The following MRTFB variants were observed in gnomAD, a reference collection of about 807,000 sequenced individuals.
MRTFB encodes myocardin related transcription factor B, also known as myocardin-related transcription factor B.
Under a neutral mutation model 104.2 loss-of-function variants are expected in MRTFB, and 29 were observed. That is an observed-to-expected ratio of 0.28 (90% CI 0.21 to 0.38). MRTFB has a LOEUF of 0.38. Among genes scored for constraint, MRTFB ranks in the 10% least tolerant of loss-of-function variants. The pLI is 1.00. For missense variants in MRTFB, 1,270 were observed against 1,341.6 expected, an observed-to-expected ratio of 0.95 and a Z score of 0.83; for synonymous variants, 535 against 519.5, an observed-to-expected ratio of 1.03 and a Z score of -0.41.
At chr16:14,117,696 T>G (rs1267591764) in intron 2 of MRTFB, among the ~76,000 whole-genome samples, 1 of 152,116 alleles carries the variant, frequency 6.6e-6, no homozygotes. Flanking sequence ...ACTGCAGTGC[T>G]CAGTTCTGTA....
the MRTFB span, among the ~76,000 whole-genome samples, chr16:14,061,125 G>A: frequency 7.3e-5 from 11 of 151,702 alleles, no homozygotes; most frequent in East Asian, 1.4e-3. Context: ...CAGCCTGGGC[G>A]ACAGCGCAAG....
chr16:14,073,849 A>G (rs1282572783), intron 1 of MRTFB, among the ~76,000 whole-genome samples: 1 of 152,246 alleles, frequency 6.6e-6, no homozygotes, highest in Non-Finnish European at 1.5e-5. Flanking sequence ...CTGTAATCAC[A>G]TATGCCAGTA....
intron 3 of MRTFB, among the ~76,000 whole-genome samples, chr16:14,188,806 C>G (rs896891644): frequency 6.6e-6 from 1 of 152,110 alleles, no homozygotes; most frequent in African/African-American, 2.4e-5. Context: ...TCTCATCTCT[C>G]TTCTTGCTTT....
intron 3 of MRTFB, among the ~76,000 whole-genome samples, chr16:14,203,846 A>G (rs1021958955): frequency 5.3e-5 from 8 of 150,454 alleles, no homozygotes; most frequent in Non-Finnish European, 1.2e-4. Flanking sequence ...CATTCTACTT[A>G]CGGAAACAAA....
At chr16:14,030,822 T>C in the MRTFB span, among the ~76,000 whole-genome samples, 2 of 152,168 alleles carry the variant, frequency 1.3e-5, no homozygotes, top group Non-Finnish European at 2.9e-5. Context: ...TCCAAGGTTA[T>C]GTCATGGTAT....
At chr16:14,159,822 C>T (rs111429953) in intron 3 of MRTFB, among the ~76,000 whole-genome samples, 21,313 of 145,660 alleles carry the variant, frequency 0.15, 2,893 homozygotes, top group African/African-American at 0.34. Context: ...CCCAGCTACT[C>T]GGGAGGCTGA....
chr16:13,995,221 T>C, the MRTFB span, among the ~76,000 whole-genome samples: 2 of 152,176 alleles, frequency 1.3e-5, no homozygotes, highest in Admixed American at 6.5e-5. Flanking sequence ...ATCCATTCCT[T>C]TTCAGTATCC....
At chr16:14,243,688 AACTT>A (rs2042879829) in intron 10 of MRTFB, among the ~76,000 whole-genome samples, 2 of 152,120 alleles carry the variant, frequency 1.3e-5, no homozygotes, top group African/African-American at 4.8e-5. Flanking sequence ...ATTGAAGTAT[AACTT>A]ACACACAGAA....
At chr16:14,078,502 T>C (rs1055341184) in intron 1 of MRTFB, among the ~76,000 whole-genome samples, 3 of 151,964 alleles carry the variant, frequency 2.0e-5, no homozygotes, top group African/African-American at 7.3e-5. Context: ...CAGTTATGGC[T>C]TACTGCAGCC....
chr16:14,247,043 G>A lies in MRTFB; in HGVS notation c.1783G>A (p.Val595Met), dbSNP rs549451504. ...GAAACTGGAACAAGAGCAGAAGCTC[G>A]TGGAAGTGCTGAAAATGCAACTTGA... ...KRKLEQEQKL[V>M]EVLKMQLEVE... The change falls in exon 12 of 17, where the codon GTG becomes ATG. Residue 595 changes from valine (V) to methionine (M), a missense_variant. Coordinates refer to ENST00000571589, the MANE Select transcript of MRTFB (RefSeq NM_001308142.2). 5.6e-6 allele frequency: 9 copies of A among 1,614,202 alleles called. No individual in the cohort carries two copies. The Admixed American group carries it at 6.7e-5, about 12-fold the overall frequency.
intron 2 of MRTFB, among the ~76,000 whole-genome samples, chr16:14,129,933 A>G (rs534229828): frequency 2.6e-5 from 4 of 152,084 alleles, no homozygotes; most frequent in Admixed American, 6.6e-5. Context: ...TGTTCAAGCA[A>G]TTCTCCTGCC....
Position 14,177,614 on chromosome 16 carries a change from C to G in MRTFB, c.155-32629C>G, listed in dbSNP as rs1463532487. Among the ~76,000 whole-genome samples the G allele has an allele frequency of 6.6e-6, 1 of 152,016 alleles. No individual in the cohort carries two copies. The highest frequency in any genetic ancestry group is 1.5e-5 in the Non-Finnish European group (1 of 68,006). On this transcript the variant is annotated intron_variant, in intron 3 of 16. Coordinates refer to ENST00000571589, the MANE Select transcript of MRTFB (RefSeq NM_001308142.2). The surrounding 1 kb of genome is among the most constrained non-coding windows in gnomAD (Gnocchi z 4.7). ...CCACAGCAGGAGGATTGCTTCAGCC[C>G]AGGAGTTCGAGACCAGCCTGAGCAA...
chr16:14,240,181 A>G (rs113582052), intron 9 of MRTFB, 56 bp from the exon 10 acceptor site: 3 of 1,526,190 alleles, frequency 2.0e-6, no homozygotes, highest in Non-Finnish European at 8.8e-7. Context: ...ACGCAGTACA[A>G]AAGATTTTAT....
the MRTFB span, among the ~76,000 whole-genome samples, chr16:14,012,727 T>C: frequency 6.6e-6 from 1 of 152,156 alleles, no homozygotes; most frequent in Non-Finnish European, 1.5e-5. Context: ...ACGTTTAACA[T>C]GCAGTAAATG....
chr16:14,099,382 G>GTTTT (rs151000122), intron 2 of MRTFB, among the ~76,000 whole-genome samples: 10 of 137,150 alleles, frequency 7.3e-5, no homozygotes, highest in African/African-American at 2.1e-4. Context: ...TTTTTGGTGG[G>GTTTT]TTTTTTTTTT....
At chr16:14,022,408 C>A in the MRTFB span, among the ~76,000 whole-genome samples, 668 of 151,598 alleles carry the variant, frequency 4.4e-3, 4 homozygotes, top group African/African-American at 0.016. Flanking sequence ...AAAAGCATTT[C>A]TTTTTTTTTG....
At chr16:14,226,492 T>C (rs553511927) in intron 8 of MRTFB, among the ~76,000 whole-genome samples, 2 of 152,256 alleles carry the variant, frequency 1.3e-5, no homozygotes, top group African/African-American at 4.8e-5. Flanking sequence ...CAAAAAAGAA[T>C]GAAGTTGGAC....
At chr16:14,030,556 G>C in the MRTFB span, among the ~76,000 whole-genome samples, 1 of 152,132 alleles carries the variant, frequency 6.6e-6, no homozygotes, top group Non-Finnish European at 1.5e-5. Flanking sequence ...GTGTGCAGGG[G>C]GTGTTTTAAG....
At chr16:14,049,234 A>C in the MRTFB span, among the ~76,000 whole-genome samples, 1 of 152,226 alleles carries the variant, frequency 6.6e-6, no homozygotes, top group African/African-American at 2.4e-5. Context: ...TCTACATGCC[A>C]GTTCTATGAC....
Sources: gnomAD v4.1 joint callset for allele counts (sites outside exome capture counted in the v4.1 genomes callset) on GRCh38, gnomAD v4.1.1 for gene constraint, Gnocchi (gnomAD v3.1) non-coding constraint, MANE v1.5 for transcripts, NCBI Gene and HGNC (gene_info 2026-07-23, HGNC 2026-07-21) for gene names.